Variants in MAML3 observed in about 807,000 individuals in gnomAD.
MAML3 encodes the protein mastermind like transcriptional coactivator 3, also known as mastermind-like protein 3.
A neutral mutation model predicts 101.9 loss-of-function variants in MAML3; 27 were observed. The observed-to-expected ratio is 0.27, with a 90% confidence interval of 0.20 to 0.37. MAML3 has a LOEUF of 0.37. MAML3 is among the 10% of genes least tolerant of loss of function. MAML3 has a pLI of 1.00. For synonymous variants in MAML3, 501 were observed against 555.9 expected (o/e 0.90, Z 1.39); for missense variants, 1,316 against 1,444.9 (o/e 0.91, Z 1.45).
intron 1 of MAML3, among the ~76,000 whole-genome samples, chr4:140,072,201 G>C (rs142439572): frequency 1.3e-5 from 2 of 152,142 alleles, no homozygotes; most frequent in African/African-American, 2.4e-5. Context: ...TTCTGCATCT[G>C]TGGATTCAAC....
intron 2 of MAML3, among the ~76,000 whole-genome samples, chr4:139,789,501 C>T (rs572020432): frequency 4.2e-4 from 64 of 152,152 alleles, no homozygotes; most frequent in Non-Finnish European, 8.1e-4. Flanking sequence ...AGGTTGAGTC[C>T]GTGTGTAGGA....
intron 2 of MAML3, among the ~76,000 whole-genome samples, chr4:139,764,902 T>A (rs921797518): frequency 1.3e-5 from 2 of 151,628 alleles, no homozygotes; most frequent in African/African-American, 4.8e-5. Context: ...CTTCAGTGAC[T>A]GCACCTACTC....
chr4:139,735,062 C>G lies in MAML3; in HGVS notation c.2080-4395G>C, dbSNP rs541634497. On this transcript the variant is annotated intron_variant, in intron 2 of 4. Coordinates refer to ENST00000509479, the MANE Select transcript of MAML3 (RefSeq NM_018717.5). The surrounding 1 kb of genome is among the most constrained non-coding windows in gnomAD (Gnocchi z 5.8). ...GCAGATGGCTTAATCAGGGCTCCCGCCCGCCCCTCCGCGGCCCCCGCCCCG... is the reference window on the plus strand; with the variant it reads ...GCAGATGGCTTAATCAGGGCTCCCGGCCGCCCCTCCGCGGCCCCCGCCCCG... Among the ~76,000 whole-genome samples, 102 of 152,326 alleles carry G rather than the reference C, an allele frequency of 6.7e-4. No individual in the cohort carries two copies. The highest frequency in any genetic ancestry group is 2.4e-3 in the African/African-American group (100 of 41,590).
At chr4:140,068,962 G>A (rs1263285368) in intron 1 of MAML3, among the ~76,000 whole-genome samples, 7 of 152,188 alleles carry the variant, frequency 4.6e-5, no homozygotes, top group East Asian at 3.9e-4. Context: ...AGTTGCTGAC[G>A]AATTTTATAA....
At chr4:139,778,273 T>C (rs1388196480) in intron 2 of MAML3, among the ~76,000 whole-genome samples, 9 of 152,224 alleles carry the variant, frequency 5.9e-5, no homozygotes, top group Admixed American at 4.6e-4. Flanking sequence ...ATGGACTAGA[T>C]GATATTTTGG....
At chr4:140,073,004 C>T (rs1727690527) in intron 1 of MAML3, among the ~76,000 whole-genome samples, 1 of 152,112 alleles carries the variant, frequency 6.6e-6, no homozygotes, top group Non-Finnish European at 1.5e-5. Context: ...CGCCTCTCAA[C>T]CTGACCAACA....
At chr4:140,150,095 G>A (rs1428880535) in intron 1 of MAML3, among the ~76,000 whole-genome samples, 1 of 151,886 alleles carries the variant, frequency 6.6e-6, no homozygotes, top group Non-Finnish European at 1.5e-5. Flanking sequence ...ACACAGCCCT[G>A]GCATTTATTA....
chr4:140,128,956 C>T (rs6819325), intron 1 of MAML3, among the ~76,000 whole-genome samples: 37,692 of 152,032 alleles, frequency 0.25, 5,025 homozygotes, highest in East Asian at 0.39. Context: ...CCTAAATCCA[C>T]TGGTCTCCTT....
At chr4:140,058,653 T>C (rs928833514) in intron 1 of MAML3, among the ~76,000 whole-genome samples, 2 of 152,080 alleles carry the variant, frequency 1.3e-5, no homozygotes, top group African/African-American at 4.8e-5. Context: ...GTTCTCATGT[T>C]TTAACATAGT....
intron 2 of MAML3, among the ~76,000 whole-genome samples, chr4:139,813,449 A>C (rs944651985): frequency 1.8e-4 from 27 of 152,208 alleles, no homozygotes; most frequent in Non-Finnish European, 7.3e-5. Context: ...TGGGAATTAG[A>C]ATGGCAGTGG....
chr4:140,015,286 A>G (rs1439718632), intron 1 of MAML3, among the ~76,000 whole-genome samples: 4 of 152,182 alleles, frequency 2.6e-5, no homozygotes, highest in Admixed American at 2.6e-4. Context: ...TGAAATTTAA[A>G]ATCATGAAAC....
intron 1 of MAML3, among the ~76,000 whole-genome samples, chr4:139,893,113 T>A (rs2111202649): frequency 6.6e-6 from 1 of 152,270 alleles, no homozygotes; most frequent in East Asian, 1.9e-4. Flanking sequence ...GATACTCCGG[T>A]TTCTCTTCAG....
intron 1 of MAML3, among the ~76,000 whole-genome samples, chr4:140,035,821 A>C (rs1726978596): frequency 6.6e-6 from 1 of 151,968 alleles, no homozygotes; most frequent in African/African-American, 2.4e-5. Context: ...AACTAACATT[A>C]ATAAAGTTTA....
intron 1 of MAML3, among the ~76,000 whole-genome samples, chr4:140,025,723 T>C (rs142056576): frequency 1.3e-5 from 2 of 152,336 alleles, no homozygotes; most frequent in Non-Finnish European, 2.9e-5. Context: ...CTGTCAGCTC[T>C]AGATATACTG....
chr4:140,138,014 C>G (rs991560188), intron 1 of MAML3, among the ~76,000 whole-genome samples: 2 of 152,214 alleles, frequency 1.3e-5, no homozygotes, highest in Non-Finnish European at 2.9e-5. Flanking sequence ...TAATAAAAAG[C>G]CCCTGAATGA....
intron 1 of MAML3, among the ~76,000 whole-genome samples, chr4:140,000,850 A>C (rs991422115): frequency 8.5e-5 from 13 of 152,088 alleles, no homozygotes; most frequent in Non-Finnish European, 1.9e-4. Flanking sequence ...CCACATGGAG[A>C]AACCCCATCT....
chr4:139,739,924 C>G (rs2111019716), intron 2 of MAML3, among the ~76,000 whole-genome samples: 1 of 152,146 alleles, frequency 6.6e-6, no homozygotes, highest in African/African-American at 2.4e-5. Context: ...AAGAGGGGCC[C>G]AGGTTATGTC....
rs576186001 is a variant in MAML3 at position 140,154,107 on chromosome 4, T to TCGCCGC, written c.-786_-781dup. 0.023 allele frequency: 4,123 copies of TCGCCGC among 178,064 alleles called. 118 individuals are homozygous for TCGCCGC. The highest frequency in any genetic ancestry group is 0.063 in the African/African-American group (2,633 of 41,624). The allele number at this position is 178,064 out of a possible 1,614,324, so 11.0% of individuals were successfully genotyped here. The stretch of plus-strand genomic sequence containing the variant: ...TGCCACCATCACAATGATCAACTGC[T>TCGCCGC]CGCCGCCGCCGCCGCCGCCGCCTCC... On this transcript the variant is annotated 5_prime_UTR_variant, in exon 1 of 5. Transcript: ENST00000509479.
chr4:139,874,434 G>T (rs751776531), intron 2 of MAML3, among the ~76,000 whole-genome samples: 3 of 151,904 alleles, frequency 2.0e-5, no homozygotes, highest in Non-Finnish European at 4.4e-5. Flanking sequence ...CTAACAGTTG[G>T]CTTTTAAAAG....
Sources: allele counts gnomAD v4.1 joint callset (sites outside exome capture counted in the v4.1 genomes callset), GRCh38; gene constraint gnomAD v4.1.1; non-coding constraint Gnocchi (gnomAD v3.1); transcripts MANE v1.5; gene names NCBI Gene and HGNC (gene_info 2026-07-23, HGNC 2026-07-21).